The following ERGIC2 variants were observed in gnomAD, a reference collection of about 807,000 sequenced individuals.
ERGIC2 encodes the protein endoplasmic reticulum-Golgi intermediate compartment protein 2.
In ERGIC2, 31 loss-of-function variants were observed where a neutral mutation model predicts 52.5. The ratio of observed to expected loss-of-function variants is 0.59; its 90% CI spans 0.44 to 0.80. The LOEUF is 0.80. Among genes scored for constraint, ERGIC2 ranks in the 30% least tolerant of loss-of-function variants. The pLI is 0.00. For missense variants in ERGIC2, 395 were observed against 455.2 expected (o/e 0.87, Z 1.20); for synonymous variants, 129 against 140.6 (o/e 0.92, Z 0.58).
intron 6 of ERGIC2, among the ~76,000 whole-genome samples, chr12:29,358,734 C>T (rs1196676782): frequency 6.6e-6 from 1 of 151,920 alleles, no homozygotes; most frequent in Non-Finnish European, 1.5e-5. Context: ...TAGGTACTCA[C>T]AAAAAGAAAG....
intron 1 of ERGIC2, among the ~76,000 whole-genome samples, chr12:29,372,103 G>A (rs895164036): frequency 7.2e-5 from 11 of 152,116 alleles, no homozygotes; most frequent in Admixed American, 5.9e-4. Context: ...ACTTTGGGAG[G>A]CCGAGGCGGG....
chr12:29,379,902 A>G (rs533195899), intron 1 of ERGIC2, among the ~76,000 whole-genome samples: 3 of 152,308 alleles, frequency 2.0e-5, no homozygotes, highest in African/African-American at 7.2e-5. Context: ...CCAAAGAAAG[A>G]AAATGTGTGG....
intron 5 of ERGIC2, among the ~76,000 whole-genome samples, chr12:29,363,373 T>G (rs990000537): frequency 6.6e-6 from 1 of 151,924 alleles, no homozygotes; most frequent in Non-Finnish European, 1.5e-5. Flanking sequence ...AGTGAAAAAT[T>G]TTTAAGTTAA....
chr12:29,346,087 G>A (rs1343269643), intron 10 of ERGIC2, among the ~76,000 whole-genome samples: 2 of 151,716 alleles, frequency 1.3e-5, no homozygotes, highest in East Asian at 3.9e-4. Flanking sequence ...AGCATAAGAT[G>A]GGCAACACAG....
At chr12:29,350,516 G>T (rs1158879858) in intron 8 of ERGIC2, among the ~76,000 whole-genome samples, 1 of 151,932 alleles carries the variant, frequency 6.6e-6, no homozygotes, top group Non-Finnish European at 1.5e-5. Context: ...GATCTGTAAT[G>T]AAATTTTAAA....
Position 29,357,712 on chromosome 12 carries a change from CA to C in ERGIC2, c.386del (p.Leu129ArgfsTer15). The C allele has an allele frequency of 6.3e-7, 1 of 1,593,838 alleles. No homozygotes were observed. The highest frequency in any genetic ancestry group is 8.6e-7 in the Non-Finnish European group (1 of 1,162,342). ...GCTCTTCTTGTAGCCTACTCTGAAT[CA>C]GCTGCAGCATCCTAAATAAGAAGCA... is the stretch of plus-strand genomic sequence containing the variant. Reference protein sequence around the residue: ...QQKEWQRMLQLIQSRLQEEHS... With the variant: ...QQKEWQRMLQXIQSRLQEEHS... On this transcript the variant is annotated frameshift_variant, in exon 7 of 14. Transcript: ENST00000360150. LOFTEE classifies it high-confidence loss of function.
In ERGIC2 at chr12:29,370,150, A is replaced by G; in HGVS notation, c.179T>C (p.Met60Thr). 1 of 1,545,716 alleles carries G rather than the reference A, an allele frequency of 6.5e-7. No homozygotes were observed. The highest frequency in any genetic ancestry group is 2.5e-5 in the East Asian group (1 of 40,412). ...MEFSVYQDTW[M>T]KYEYEVDKDF... ...CTTGTCTACTTCGTATTCATACTTCATCCATGTATCTTGATATACTGAGAA... is the reference window on the plus strand; with the variant it reads ...CTTGTCTACTTCGTATTCATACTTCGTCCATGTATCTTGATATACTGAGAA... Residue 60 changes from methionine (M) to threonine (T), a missense_variant, in exon 3 of 14, where the codon ATG becomes ACG. Coordinates refer to ENST00000360150, the MANE Select transcript of ERGIC2 (RefSeq NM_016570.3).
chr12:29,353,390 T>C (rs1940159512), intron 8 of ERGIC2, among the ~76,000 whole-genome samples: 1 of 152,192 alleles, frequency 6.6e-6, no homozygotes, highest in South Asian at 2.1e-4. Flanking sequence ...ACAAAGTTTT[T>C]CTGAATAACC....
chr12:29,376,045 T>C (rs993084988), intron 1 of ERGIC2, among the ~76,000 whole-genome samples: 4 of 152,216 alleles, frequency 2.6e-5, no homozygotes, highest in Non-Finnish European at 4.4e-5. Flanking sequence ...TCCTTAGTCA[T>C]TTCTGAGACT....
chr12:29,342,639 A>G (rs1290689207), intron 12 of ERGIC2, among the ~76,000 whole-genome samples: 3 of 152,220 alleles, frequency 2.0e-5, no homozygotes, highest in Non-Finnish European at 2.9e-5. Context: ...ACTGATTACA[A>G]ATCTAGTTTC....
intron 1 of ERGIC2, chr12:29,372,836 T>C (rs192919162): frequency 6.6e-6 from 1 of 152,132 alleles, no homozygotes; most frequent in African/African-American, 2.4e-5. Flanking sequence ...TTGTATTTTT[T>C]GTAGAGACGG....
intron 12 of ERGIC2, 77 bp downstream of exon 12, chr12:29,343,043 C>A: frequency 8.1e-7 from 1 of 1,242,000 alleles, no homozygotes. Context: ...CTGTATACTT[C>A]TTGCCCCTTT....
chr12:29,341,824 A>G lies in ERGIC2; in HGVS notation c.989-8T>C, dbSNP rs1244914420. The G allele has an allele frequency of 4.4e-6, 6 of 1,369,938 alleles. No individual in the cohort carries two copies. Among genetic ancestry groups the G allele is most frequent in the Non-Finnish European group, 6.3e-6 (6 of 958,532 alleles). The allele number at this position is 1,369,938 out of a possible 1,614,324, so 84.9% of individuals were successfully genotyped here. ...CAATTCCATGTAACATGCCTGTAATAAACAATAAGTTTATGCTTTTAATTA... is the reference window on the plus strand; with the variant it reads ...CAATTCCATGTAACATGCCTGTAATGAACAATAAGTTTATGCTTTTAATTA... On this transcript the variant is annotated splice_region_variant and splice_polypyrimidine_tract_variant and intron_variant, in intron 12 of 13. Coordinates refer to ENST00000360150, the MANE Select transcript of ERGIC2 (RefSeq NM_016570.3).
intron 1 of ERGIC2, among the ~76,000 whole-genome samples, chr12:29,374,773 A>G (rs1940492166): frequency 6.6e-6 from 1 of 152,188 alleles, no homozygotes; most frequent in Admixed American, 6.5e-5. Context: ...CTTATGTCCA[A>G]GTATGTTCCT....
Position 29,368,271 on chromosome 12 carries a change from T to C in ERGIC2, c.232A>G (p.Ile78Val), listed in dbSNP as rs569556668. Reference sequence around the variant, plus strand: ...CACTTCATGGCAACAGTAATATCTATATTAATTCTTAATTTGCTGAAAGAC... The same window carrying C: ...CACTTCATGGCAACAGTAATATCTACATTAATTCTTAATTTGCTGAAAGAC... ...KDFSSKLRIN[I>V]DITVAMKCQY... Residue 78 changes from isoleucine (I) to valine (V), a missense_variant, in exon 4 of 14, where the codon ATA becomes GTA. Ile to Val is a conservative substitution (Grantham distance 29). Transcript: ENST00000360150. 105 of 1,547,546 alleles carry C rather than the reference T, an allele frequency of 6.8e-5. No homozygotes were observed. The highest frequency in any genetic ancestry group is 3.4e-5 in the Admixed American group (2 of 59,270).
Position 29,372,908 on chromosome 12 carries a change from C to T in ERGIC2, c.-37-1238G>A, listed in dbSNP as rs753402191. Reference sequence around the variant, plus strand: ...CTGGGCTGAAGCCTTCCACCCACCTCGGCCTCTCAAAAAAAGTGCTGGGAT... The same window carrying T: ...CTGGGCTGAAGCCTTCCACCCACCTTGGCCTCTCAAAAAAAGTGCTGGGAT... On this transcript the variant is annotated intron_variant, in intron 1 of 13. Transcript: ENST00000360150. 9.9e-5 allele frequency: 15 copies of T among 151,782 alleles called. No individual in the cohort carries two copies. The East Asian group carries it at 1.6e-3, about 16-fold the overall frequency. The allele number at this position is 151,782 out of a possible 1,614,324, so 9.4% of individuals were successfully genotyped here.
In ERGIC2 at chr12:29,339,917, C is replaced by A. The variant is rs1949824996; in HGVS notation, c.*1239G>T. 1 of 152,124 alleles carries A rather than the reference C, an allele frequency of 6.6e-6. No individual in the cohort carries two copies. The highest frequency in any genetic ancestry group is 2.4e-5 in the African/African-American group (1 of 41,432). The allele number at this position is 152,124 out of a possible 1,614,324, so 9.4% of individuals were successfully genotyped here. ...TGAGGATTGGCTGCTGATTCTTCTA[C>A]TGCCATTCAGTACTACAAAAGGAAA... On this transcript the variant is annotated 3_prime_UTR_variant, in exon 14 of 14. Transcript: ENST00000360150.
chr12:29,349,368 A>G (rs1164735215), intron 9 of ERGIC2, among the ~76,000 whole-genome samples, 191 bp from the exon 10 acceptor site: 1 of 151,952 alleles, frequency 6.6e-6, no homozygotes. Flanking sequence ...TAAATGTATA[A>G]AATAAATTCT....
intron 1 of ERGIC2, among the ~76,000 whole-genome samples, chr12:29,379,293 G>A (rs1021927244): frequency 2.6e-5 from 4 of 152,130 alleles, no homozygotes; most frequent in Admixed American, 2.6e-4. Context: ...CAAAGAGTAT[G>A]GGGGTTAATA....
Sources: allele counts gnomAD v4.1 joint callset (sites outside exome capture counted in the v4.1 genomes callset), GRCh38; gene constraint gnomAD v4.1.1; transcripts MANE v1.5; gene names NCBI Gene and HGNC (gene_info 2026-07-23, HGNC 2026-07-21).